The following FAIM2 variants were observed in gnomAD, a reference collection of about 807,000 sequenced individuals.
FAIM2 encodes the protein protein lifeguard 2.
FAIM2 carries 27 observed loss-of-function variants against 47.4 expected under a neutral mutation model. The ratio of observed to expected loss-of-function variants is 0.57; its 90% CI spans 0.42 to 0.78. The LOEUF is 0.78. FAIM2 is among the 30% of genes least tolerant of loss of function. The pLI is 0.00. For synonymous variants in FAIM2, 156 were observed against 159.3 expected (o/e 0.98, Z 0.16); for missense variants, 311 against 389.4 (o/e 0.80, Z 1.69).
At chr12:49,877,993 TATGTGTGCATGTGC>T (rs1222666629) in intron 11 of FAIM2, among the ~76,000 whole-genome samples, 1 of 152,028 alleles carries the variant, frequency 6.6e-6, no homozygotes, top group Non-Finnish European at 1.5e-5. Flanking sequence ...TGTTTATGTG[TATGTGTGCATGTGC>T]ATGTGTGTAT....
intron 5 of FAIM2, among the ~76,000 whole-genome samples, chr12:49,895,220 G>A (rs916854936): frequency 2.0e-5 from 3 of 152,126 alleles, no homozygotes; most frequent in Non-Finnish European, 4.4e-5. Flanking sequence ...CACCCTGGTA[G>A]AAGCCAGAGA....
At chr12:49,884,340 T>C (rs1592789343) in intron 11 of FAIM2, among the ~76,000 whole-genome samples, 1 of 150,236 alleles carries the variant, frequency 6.7e-6, no homozygotes, top group Non-Finnish European at 1.5e-5. Flanking sequence ...TGAGTGGAGG[T>C]TCTCTTAAAA....
In FAIM2 at chr12:49,901,353, A is replaced by C. The variant is rs1196808053; in HGVS notation, c.16-28T>G. 14 of 1,479,214 alleles carry C rather than the reference A, an allele frequency of 9.5e-6. No individual in the cohort carries two copies. The East Asian group carries it at 3.7e-4, about 39-fold the overall frequency. The allele number at this position is 1,479,214 out of a possible 1,614,324, so 91.6% of individuals were successfully genotyped here. The stretch of plus-strand genomic sequence containing the variant: ...ATGGAGTAGAGTCAGAGAGAGAGAT[A>C]GTCACCAGGGAAAGGGAGCCTTCCA... On this transcript the variant is annotated intron_variant, in intron 1 of 11. Transcript: ENST00000320634.
At position 49,878,497 on chromosome 12, in the gene FAIM2, CATGT is replaced by C. The variant is rs546813946; in HGVS notation, c.802-7848_802-7845del. ...GTGTGCATGTGTGTATATGTATGTG[CATGT>C]GTGTATATGTGTGCATATGACTGTG... On this transcript the variant is annotated intron_variant, in intron 11 of 11. Transcript: ENST00000320634. Among the ~76,000 whole-genome samples the C allele has an allele frequency of 2.4e-3, 249 of 103,368 alleles. 49 individuals carry two copies. Among genetic ancestry groups the C allele is most frequent in the Middle Eastern group, 0.015 (3 of 206 alleles). 67.8% of individuals were successfully genotyped at this position (103,368 alleles called of 152,430 possible).
rs1946723217 is a variant in FAIM2 at position 49,874,532 on chromosome 12, C to T, written c.802-3879G>A. Among the ~76,000 whole-genome samples, 1 of 152,206 alleles carries T rather than the reference C, an allele frequency of 6.6e-6. No homozygotes were observed. The highest frequency in any genetic ancestry group is 2.1e-4 in the South Asian group (1 of 4,828). ...GCTAAACCTGGCCGGGGACCCCAGC[C>T]ACACATTTGGCCTGACCCTGCCATA... On this transcript the variant is annotated intron_variant, in intron 11 of 11. Coordinates refer to ENST00000320634, the MANE Select transcript of FAIM2 (RefSeq NM_012306.4). The surrounding 1 kb of genome is among the most constrained non-coding windows in gnomAD (Gnocchi z 4.2).
intron 3 of FAIM2, 42 bp from the exon 4 acceptor site, chr12:49,897,625 T>C (rs926984048): frequency 2.7e-6 from 4 of 1,492,552 alleles, no homozygotes; most frequent in Middle Eastern, 1.7e-4. Flanking sequence ...GGGGCCCTGT[T>C]AGGGACCTGT....
intron 2 of FAIM2, among the ~76,000 whole-genome samples, chr12:49,898,930 G>C (rs770453562): frequency 3.3e-5 from 5 of 152,110 alleles, no homozygotes; most frequent in Non-Finnish European, 7.4e-5. Flanking sequence ...TCAGGGGGTG[G>C]GGGGCTGGAG....
intron 11 of FAIM2, among the ~76,000 whole-genome samples, chr12:49,884,784 C>T (rs1411766855): frequency 6.6e-6 from 1 of 152,320 alleles, no homozygotes; most frequent in African/African-American, 2.4e-5. Flanking sequence ...ACCATCCTGG[C>T]TAACACAGTG....
intron 5 of FAIM2, among the ~76,000 whole-genome samples, chr12:49,893,429 C>A (rs1319220018): frequency 6.6e-6 from 1 of 152,212 alleles, no homozygotes; most frequent in African/African-American, 2.4e-5. Context: ...AGCCCCCGCA[C>A]CCTTCTGGCC....
chr12:49,879,921 T>G (rs993026939), intron 11 of FAIM2, among the ~76,000 whole-genome samples: 2 of 151,776 alleles, frequency 1.3e-5, no homozygotes, highest in East Asian at 3.9e-4. Flanking sequence ...TGTGTGCATA[T>G]GTGTATGTAT....
chr12:49,874,820 G>A lies in FAIM2; in HGVS notation c.802-4167C>T, dbSNP rs1946725044. Among the ~76,000 whole-genome samples, 1 of 152,216 alleles carries A rather than the reference G, an allele frequency of 6.6e-6. No individual in the cohort carries two copies. The highest frequency in any genetic ancestry group is 2.1e-4 in the South Asian group (1 of 4,830). On this transcript the variant is annotated intron_variant, in intron 11 of 11. Transcript: ENST00000320634. This position sits in a 1 kb window ranked among gnomAD's most constrained non-coding sequence, Gnocchi z 4.2. ...TGTTTACAGCATTGGTTCTAACAGT[G>A]AGATGCTGAAACAACCCAAACTCTA...
chr12:49,885,300 CG>C (rs1175613694), intron 11 of FAIM2, among the ~76,000 whole-genome samples: 1 of 152,216 alleles, frequency 6.6e-6, no homozygotes, highest in Non-Finnish European at 1.5e-5. Flanking sequence ...ACTCCCCGGC[CG>C]GCCCCCCATG....
Position 49,869,365 on chromosome 12 carries a change from G to A in FAIM2, c.*1139C>T, listed in dbSNP as rs7132908. 47,381 of 152,798 alleles carry A rather than the reference G, an allele frequency of 0.31. 8,257 individuals are homozygous for A. Among genetic ancestry groups the A allele is most frequent in the Middle Eastern group, 0.41 (121 of 298 alleles). 9.5% of individuals were successfully genotyped at this position (152,798 alleles called of 1,614,324 possible). A position where few individuals can be genotyped will look rare whatever the true frequency, so the allele number is the denominator to read the frequency against. ...AAGTGGGGGAGCACTTAGGGACTCT[G>A]GGCTGAGTGAGTGGCCAGTGAAGCT... On this transcript the variant is annotated 3_prime_UTR_variant, in exon 12 of 12. Transcript: ENST00000320634.
intron 11 of FAIM2, among the ~76,000 whole-genome samples, chr12:49,880,759 T>C (rs1946818300): frequency 6.6e-6 from 1 of 151,888 alleles, no homozygotes; most frequent in Non-Finnish European, 1.5e-5. Context: ...TGTGTGCGCA[T>C]GTGGGTATGT....
chr12:49,890,781 C>G lies in FAIM2; in HGVS notation c.486-59G>C. On this transcript the variant is annotated intron_variant, in intron 6 of 11. Coordinates refer to ENST00000320634, the MANE Select transcript of FAIM2 (RefSeq NM_012306.4). ...AGGGGGTGGGGGCAGTGGACCCAGG[C>G]TGTGACACTGTTGCAGGGAGGGGGT... 4 of 1,471,422 alleles carry G rather than the reference C, an allele frequency of 2.7e-6. No homozygotes were observed. In the East Asian group the frequency reaches 6.8e-5, roughly 25 times the overall value. The allele number at this position is 1,471,422 out of a possible 1,614,324, so 91.1% of individuals were successfully genotyped here. A position where few individuals can be genotyped will look rare whatever the true frequency, so the allele number is the denominator to read the frequency against.
intron 11 of FAIM2, among the ~76,000 whole-genome samples, chr12:49,881,767 A>G (rs1194370153): frequency 6.6e-6 from 1 of 152,180 alleles, no homozygotes; most frequent in African/African-American, 2.4e-5. Flanking sequence ...AGTGAGGGAT[A>G]TGGGGTAGGG....
chr12:49,872,860 G>A (rs186385190), intron 11 of FAIM2, among the ~76,000 whole-genome samples: 2 of 152,344 alleles, frequency 1.3e-5, no homozygotes, highest in East Asian at 3.9e-4. Context: ...TTGTGAGAAT[G>A]AGATAATGCA....
intron 11 of FAIM2, among the ~76,000 whole-genome samples, chr12:49,878,720 G>A (rs1285677780): frequency 6.2e-5 from 8 of 129,226 alleles, no homozygotes; most frequent in East Asian, 2.6e-4. Context: ...ATATGCGTGT[G>A]TGTCTGTGTG....
rs1491181744 is a variant in FAIM2, at chr12:49,878,672, GTA to G, written c.802-8021_802-8020del. ...TATGTGCGCTTGTATGTGCATGTGT[GTA>G]TGTGTGTATATGTGAGTGTATGTGC... On this transcript the variant is annotated intron_variant, in intron 11 of 11. Transcript: ENST00000320634. 1.5e-3 allele frequency among the ~76,000 whole-genome samples: 207 copies of G among 134,398 alleles called. 28 individuals carry two copies. Among genetic ancestry groups the G allele is most frequent in the Admixed American group, 3.3e-3 (40 of 11,978 alleles). The allele number at this position is 134,398 out of a possible 152,430, so 88.2% of individuals were successfully genotyped here.
Sources: allele counts gnomAD v4.1 joint callset (sites outside exome capture counted in the v4.1 genomes callset), GRCh38; gene constraint gnomAD v4.1.1; non-coding constraint Gnocchi (gnomAD v3.1); transcripts MANE v1.5; gene names NCBI Gene and HGNC (gene_info 2026-07-23, HGNC 2026-07-21).